Variants in PLAC1 observed in about 807,000 individuals in gnomAD.
PLAC1 encodes placenta-specific protein 1.
For synonymous variants in PLAC1, 68 were observed against 62.1 expected (o/e 1.09, Z -0.44); for missense variants, 136 against 163.2 (o/e 0.83, Z 0.91).
At chrX:134,606,760 T>C (rs987833809) in intron 1 of PLAC1, among the ~76,000 whole-genome samples, 2 of 112,330 alleles carry the variant, frequency 1.8e-5, no homozygotes, top group Non-Finnish European at 3.8e-5. Flanking sequence ...CTTGCACTCA[T>C]GTTTATCACT....
chrX:134,621,724 T>C (rs1193773704), intron 1 of PLAC1, among the ~76,000 whole-genome samples: 1 of 111,972 alleles, frequency 8.9e-6, no homozygotes, highest in Non-Finnish European at 1.9e-5. Context: ...CACTTTCTAA[T>C]TGAGCAAGGC....
At chrX:134,743,997 T>C (rs752667001) in intron 1 of PLAC1, among the ~76,000 whole-genome samples, 159 of 112,327 alleles carry the variant, frequency 1.4e-3, no homozygotes, top group South Asian at 3.7e-3. Flanking sequence ...GAAAGATACA[T>C]TTTGGGCCGG....
rs755064750 is a variant in PLAC1 at position 134,566,327 on chromosome X, TG to T, written c.355del (p.Gln119LysfsTer12). On this transcript the variant is annotated frameshift_variant, in exon 3 of 3. Coordinates refer to ENST00000359237, the MANE Select transcript of PLAC1 (RefSeq NM_021796.4). LOFTEE classifies it low-confidence loss of function (END_TRUNC). ...FVIPVSCAAP[Q>X]KSPWLTKPCS... ...GGGCTTGGTGAGCCATGGGGACTTT[TG>T]GGGGGCAGCACATGACACTGGGATC... The T allele has an allele frequency of 8.3e-7, 1 of 1,211,696 alleles. No individual in the cohort carries two copies. The highest frequency in any genetic ancestry group is 3.0e-5 in the East Asian group (1 of 33,845).
chrX:134,718,220 A>G (rs1194586083), intron 2 of PLAC1, among the ~76,000 whole-genome samples: 6 of 111,653 alleles, frequency 5.4e-5, no homozygotes, highest in Non-Finnish European at 1.1e-4. Flanking sequence ...AGTGTAAGCC[A>G]GAAAGCCTCC....
At chrX:134,597,371 C>T (rs763401259) in intron 2 of PLAC1, among the ~76,000 whole-genome samples, 5 of 111,873 alleles carry the variant, frequency 4.5e-5, no homozygotes, top group South Asian at 3.7e-4. Context: ...TGAGACTTTC[C>T]GTTTTTATTT....
chrX:134,671,572 T>C (rs2078455426), intron 2 of PLAC1, among the ~76,000 whole-genome samples: 1 of 109,002 alleles, frequency 9.2e-6, no homozygotes, highest in Non-Finnish European at 1.9e-5. Context: ...AGCAAGCACG[T>C]CTTACCATGG....
chrX:134,638,756 C>CT lies in PLAC1; in HGVS notation c.-131+19571dup, dbSNP rs898945328. Among the ~76,000 whole-genome samples, 543 of 102,621 alleles carry CT rather than the reference C, an allele frequency of 5.3e-3. 14 individuals carry two copies. In the East Asian group the frequency reaches 0.16, roughly 30 times the overall value. The allele number at this position is 102,621 out of a possible 115,157, so 89.1% of individuals were successfully genotyped here. A position where few individuals can be genotyped will look rare whatever the true frequency, so the allele number is the denominator to read the frequency against. On this transcript the variant is annotated intron_variant, in intron 1 of 2. Coordinates refer to ENST00000359237, the MANE Select transcript of PLAC1 (RefSeq NM_021796.4). Reference sequence around the variant, plus strand: ...CCTTCCTGGCTATTGCCATTGCTGGCTTTTTTAAAAAAAAAAAAAGCAAAC... The same window carrying CT: ...CCTTCCTGGCTATTGCCATTGCTGGCTTTTTTTAAAAAAAAAAAAAGCAAAC...
At chrX:134,598,508 C>T (rs188803560) in intron 2 of PLAC1, among the ~76,000 whole-genome samples, 2 of 112,426 alleles carry the variant, frequency 1.8e-5, no homozygotes, top group Admixed American at 1.9e-4. Flanking sequence ...ACACTCAATA[C>T]ATGCTTGTTG....
At chrX:134,587,636 G>T (rs914843162) in intron 2 of PLAC1, among the ~76,000 whole-genome samples, 1 of 110,862 alleles carries the variant, frequency 9.0e-6, no homozygotes, top group Non-Finnish European at 1.9e-5. Context: ...CTCTAGGGAG[G>T]CGTAGCCCTT....
intron 1 of PLAC1, among the ~76,000 whole-genome samples, chrX:134,603,313 ATTTTTTTTTTTTTTTTTTTTT>A (rs1319536202): frequency 2.6e-4 from 2 of 7,663 alleles, no homozygotes; most frequent in Admixed American, 8.9e-3. Context: ...ATATATATAT[ATTTTTTTTTTTTTTTTTTTTT>A]TTTTTTTTTT....
At chrX:134,634,611 A>G (rs1316238806) in intron 1 of PLAC1, among the ~76,000 whole-genome samples, 2 of 112,325 alleles carry the variant, frequency 1.8e-5, no homozygotes, top group Non-Finnish European at 3.8e-5. Flanking sequence ...CTAGAAATGG[A>G]ATAATATGAT....
intron 1 of PLAC1, among the ~76,000 whole-genome samples, chrX:134,756,827 G>C (rs1395384942): frequency 9.2e-6 from 1 of 108,578 alleles, no homozygotes; most frequent in Non-Finnish European, 1.9e-5. Flanking sequence ...CCAGCCTGGG[G>C]GAAAGAGCAA....
intron 1 of PLAC1, among the ~76,000 whole-genome samples, chrX:134,644,264 G>A (rs1198693848): frequency 9.0e-6 from 1 of 110,964 alleles, no homozygotes; most frequent in Admixed American, 9.6e-5. Context: ...AAAAAATGAG[G>A]TCTGTGTCTG....
chrX:134,732,913 G>A (rs1250002801), intron 2 of PLAC1, among the ~76,000 whole-genome samples: 3 of 111,767 alleles, frequency 2.7e-5, no homozygotes, highest in Non-Finnish European at 5.6e-5. Context: ...AGTAAAAGAC[G>A]TTCCCAGCAA....
At chrX:134,688,117 C>T (rs1226505700) in intron 2 of PLAC1, among the ~76,000 whole-genome samples, 2 of 109,290 alleles carry the variant, frequency 1.8e-5, no homozygotes. Flanking sequence ...AAGGCTCCCA[C>T]AGTCCTTCTC....
chrX:134,638,475 A>G (rs776755817), intron 1 of PLAC1, among the ~76,000 whole-genome samples: 4 of 112,608 alleles, frequency 3.6e-5, no homozygotes, highest in Non-Finnish European at 7.5e-5. Context: ...ATGTCATACG[A>G]TGATTCAAAT....
At chrX:134,659,766 A>G (rs901388932), upstream of PLAC1, among the ~76,000 whole-genome samples, 4 of 112,233 alleles carry the variant, frequency 3.6e-5, no homozygotes, top group Non-Finnish European at 7.5e-5. Context: ...TTAGTGGCAA[A>G]AACTGCAATC....
rs944302139 is a variant in PLAC1, at chrX:134,648,061, C to T, written c.-131+10267G>A. ...AGTACAGATAGCACCCCACCCCTCA[C>T]CCCCAGCACCCTGCCTGGAATTTCA... On this transcript the variant is annotated intron_variant, in intron 1 of 2. Transcript: ENST00000359237. Among the ~76,000 whole-genome samples the T allele has an allele frequency of 2.7e-5, 3 of 111,530 alleles. No homozygotes were observed. In the East Asian group the frequency reaches 8.5e-4, roughly 32 times the overall value.
rs1365028157 is a variant in PLAC1 at position 134,569,788 on chromosome X, T to TGTTTG, written c.-58-3049_-58-3048insCAAAC. Reference sequence around the variant, plus strand: ...TGTGTGTGTGTGTGTGTGTGTGTGTTTGTGTGTGTGTGTGTGTGTGTTGGG... The same window carrying TGTTTG: ...TGTGTGTGTGTGTGTGTGTGTGTGTTGTTTGTGTGTGTGTGTGTGTGTGTGTTGGG... On this transcript the variant is annotated intron_variant, in intron 2 of 2. Transcript: ENST00000359237. Among the ~76,000 whole-genome samples, 25 of 47,394 alleles carry TGTTTG rather than the reference T, an allele frequency of 5.3e-4. No individual in the cohort carries two copies. In the South Asian group the frequency reaches 5.3e-3, roughly 10 times the overall value. The allele number at this position is 47,394 out of a possible 115,157, so 41.2% of individuals were successfully genotyped here.
Sources: allele counts gnomAD v4.1 joint callset (sites outside exome capture counted in the v4.1 genomes callset), GRCh38; gene constraint gnomAD v4.1.1; transcripts MANE v1.5; gene names NCBI Gene and HGNC (gene_info 2026-07-23, HGNC 2026-07-21).